The following CLNK variants were observed in gnomAD, a reference collection of about 807,000 sequenced individuals.
CLNK encodes cytokine dependent hematopoietic cell linker, also known as cytokine-dependent hematopoietic cell linker.
In CLNK, 74 loss-of-function variants were observed where a neutral mutation model predicts 68.6. That is an observed-to-expected ratio of 1.08 (90% CI 0.89 to 1.31). CLNK has a LOEUF of 1.31. Ranked by LOEUF, CLNK falls within the 50% of genes most tolerant of loss-of-function variation. The pLI, the probability that CLNK is intolerant of heterozygous loss-of-function variation, is 0.00. For missense variants in CLNK, 553 were observed against 515.3 expected, an observed-to-expected ratio of 1.07 and a Z score of -0.71; for synonymous variants, 198 against 172.2, an observed-to-expected ratio of 1.15 and a Z score of -1.17.
intron 2 of CLNK, among the ~76,000 whole-genome samples, chr4:10,599,503 T>C (rs868801938): frequency 2.0e-5 from 3 of 152,254 alleles, no homozygotes; most frequent in African/African-American, 7.2e-5. Flanking sequence ...GTTTTTTTTC[T>C]ATCCAAATAC....
intron 2 of CLNK, among the ~76,000 whole-genome samples, chr4:10,659,188 C>G (rs535689223): frequency 6.6e-6 from 1 of 152,036 alleles, no homozygotes; most frequent in Non-Finnish European, 1.5e-5. Flanking sequence ...GAAACAAGAG[C>G]GAAACTCTGT....
intron 1 of CLNK, among the ~76,000 whole-genome samples, chr4:10,675,709 G>A (rs918274926): frequency 1.5e-4 from 23 of 152,040 alleles, no homozygotes; most frequent in African/African-American, 5.6e-4. Flanking sequence ...TAAAAGCTTA[G>A]GAAATGTCAT....
intron 2 of CLNK, among the ~76,000 whole-genome samples, chr4:10,658,532 G>T (rs1433434076): frequency 2.0e-5 from 3 of 152,194 alleles, no homozygotes; most frequent in Non-Finnish European, 2.9e-5. Context: ...GGGCTGAACT[G>T]AGCTGAACGC....
At chr4:10,538,634 G>A (rs1408856048) in intron 11 of CLNK, among the ~76,000 whole-genome samples, 1 of 152,198 alleles carries the variant, frequency 6.6e-6, no homozygotes, top group African/African-American at 2.4e-5. Flanking sequence ...TCAAAACAGA[G>A]CAAATCTGCT....
chr4:10,666,058 T>A (rs1052013810), intron 2 of CLNK, among the ~76,000 whole-genome samples: 2 of 151,830 alleles, frequency 1.3e-5, no homozygotes, highest in Non-Finnish European at 2.9e-5. Context: ...GAGGAGAAGG[T>A]CATGTGAAAT....
chr4:10,575,013 T>C (rs1282189926), intron 4 of CLNK, among the ~76,000 whole-genome samples: 1 of 152,188 alleles, frequency 6.6e-6, no homozygotes, highest in Non-Finnish European at 1.5e-5. Context: ...CCAAAACTCC[T>C]GGCAGAATAG....
At chr4:10,545,541 T>C (rs1719193044) in intron 8 of CLNK, among the ~76,000 whole-genome samples, 1 of 152,170 alleles carries the variant, frequency 6.6e-6, no homozygotes, top group South Asian at 2.1e-4. Context: ...CACCAGTAGC[T>C]GTACAGCTCA....
chr4:10,681,786 C>G (rs1725101493), intron 1 of CLNK, among the ~76,000 whole-genome samples: 1 of 152,164 alleles, frequency 6.6e-6, no homozygotes, highest in Admixed American at 6.5e-5. Flanking sequence ...AGAGCAGGAG[C>G]TCGGGGCTCG....
At chr4:10,572,135 G>A (rs1476533867) in intron 4 of CLNK, among the ~76,000 whole-genome samples, 2 of 152,192 alleles carry the variant, frequency 1.3e-5, no homozygotes, top group Non-Finnish European at 2.9e-5. Flanking sequence ...CAGCAGCTCA[G>A]CTAATGATGA....
intron 2 of CLNK, among the ~76,000 whole-genome samples, chr4:10,606,033 C>A (rs1360030916): frequency 2.6e-5 from 4 of 151,830 alleles, no homozygotes; most frequent in Admixed American, 2.6e-4. Context: ...TAGAAACATT[C>A]TTTTCTTTAA....
At chr4:10,494,764 C>T (rs1254536424) in intron 18 of CLNK, among the ~76,000 whole-genome samples, 1 of 152,006 alleles carries the variant, frequency 6.6e-6, no homozygotes, top group African/African-American at 2.4e-5. Flanking sequence ...CAGCCTGGTC[C>T]TTTCTTATTA....
intron 2 of CLNK, among the ~76,000 whole-genome samples, chr4:10,641,947 G>A (rs946392969): frequency 3.9e-5 from 6 of 152,132 alleles, no homozygotes; most frequent in Non-Finnish European, 8.8e-5. Flanking sequence ...ACCATGTAAC[G>A]TGTGCCTTTC....
chr4:10,578,746 A>G (rs897669600), intron 4 of CLNK, among the ~76,000 whole-genome samples: 9 of 151,368 alleles, frequency 5.9e-5, no homozygotes, highest in African/African-American at 1.9e-4. Flanking sequence ...TAATTTTTGT[A>G]TTTTTAGTAA....
chr4:10,533,911 T>G (rs973206785), intron 11 of CLNK, among the ~76,000 whole-genome samples: 10 of 152,364 alleles, frequency 6.6e-5, no homozygotes, highest in Admixed American at 4.6e-4. Context: ...TTACAGAAAT[T>G]GTTAAAGTTT....
At chr4:10,586,926 C>T (rs1720989889) in intron 3 of CLNK, among the ~76,000 whole-genome samples, 3 of 151,742 alleles carry the variant, frequency 2.0e-5, no homozygotes, top group South Asian at 2.1e-4. Flanking sequence ...TGTCTTCTTT[C>T]GTAAGTTATC....
the CLNK span, among the ~76,000 whole-genome samples, chr4:10,699,284 A>ATG: frequency 5.0e-5 from 1 of 20,184 alleles, no homozygotes; most frequent in African/African-American, 1.6e-4. Flanking sequence ...CACACCACAT[A>ATG]CGTGTATACA....
intron 1 of CLNK, among the ~76,000 whole-genome samples, chr4:10,682,102 C>T (rs1296457018): frequency 6.9e-6 from 1 of 145,380 alleles, no homozygotes; most frequent in Non-Finnish European, 1.5e-5. Context: ...CCTATGATAG[C>T]TCTATTCCAC....
chr4:10,646,909 G>A lies in CLNK; in HGVS notation c.11+20950C>T, dbSNP rs534740740. 2.0e-5 allele frequency among the ~76,000 whole-genome samples: 3 copies of A among 152,304 alleles called. No homozygotes were observed. In the East Asian group the frequency reaches 5.8e-4, roughly 29 times the overall value. On this transcript the variant is annotated intron_variant, in intron 2 of 18. Transcript: ENST00000226951. ...CAACAGGAAGAAATTGCTGAACCAA[G>A]ACTTTTGCTGTTAAGACTCCACTGA...
At chr4:10,643,564 G>T (rs1326270842) in intron 2 of CLNK, among the ~76,000 whole-genome samples, 1 of 152,246 alleles carries the variant, frequency 6.6e-6, no homozygotes, top group Non-Finnish European at 1.5e-5. Context: ...CTGGGAAGAA[G>T]ATATGCAGCC....
Sources: gnomAD v4.1 joint callset for allele counts (sites outside exome capture counted in the v4.1 genomes callset) on GRCh38, gnomAD v4.1.1 for gene constraint, MANE v1.5 for transcripts, NCBI Gene and HGNC (gene_info 2026-07-23, HGNC 2026-07-21) for gene names.